The following URB2 variants were observed in gnomAD, a reference collection of about 807,000 sequenced individuals.
URB2 encodes the protein unhealthy ribosome biogenesis protein 2 homolog.
URB2 carries 86 observed loss-of-function variants against 120.9 expected under a neutral mutation model. That is an observed-to-expected ratio of 0.71 (90% CI 0.60 to 0.85). The LOEUF is 0.85. Ranked by LOEUF, URB2 falls within the 40% of genes least tolerant of loss-of-function variation. URB2 has a pLI of 0.00. For synonymous variants in URB2, 755 were observed against 758.4 expected, an observed-to-expected ratio of 1.00 and a Z score of 0.07; for missense variants, 1,765 against 1,836.5, an observed-to-expected ratio of 0.96 and a Z score of 0.71.
rs1355288894 is a variant in URB2, at chr1:229,636,656, AAT to A, written c.2044_2045del (p.Met682GlufsTer8). 1 of 1,614,252 alleles carries A rather than the reference AAT, an allele frequency of 6.2e-7. No individual in the cohort carries two copies. Among genetic ancestry groups the A allele is most frequent in the African/African-American group, 1.3e-5 (1 of 75,070 alleles). ...YCLEQLYLQK[M>X]KRTLMQTSFR... is the part of the protein sequence containing the mutation. ...GCTTAGAACAGCTGTACCTGCAGAA[AAT>A]GAAAAGGACTTTAATGCAAACTAGT... On this transcript the variant is annotated frameshift_variant, in exon 4 of 10. Transcript: ENST00000258243. LOFTEE classifies it high-confidence loss of function.
chr1:229,654,620 G>A (rs772686728), intron 9 of URB2, among the ~76,000 whole-genome samples: 38 of 152,140 alleles, frequency 2.5e-4, no homozygotes, highest in Non-Finnish European at 2.9e-4. Context: ...AGCCTCCCAA[G>A]TAGCTAGGAC....
Position 229,647,649 on chromosome 1 carries a change from T to C in URB2, c.4046T>C (p.Ile1349Thr). Residue 1349 changes from isoleucine to threonine, a missense_variant, in exon 7 of 10, where the codon ATC becomes ACC. By Grantham distance (89) the Ile-to-Thr change is moderately conservative. Transcript: ENST00000258243. ...NPHHVSLAFSILLTVPLDHLK... is the reference protein window; with the variant it reads ...NPHHVSLAFSTLLTVPLDHLK... Reference sequence around the variant, plus strand: ...CACCACGTCAGCCTGGCCTTCAGCATCCTTCTCACTGTCCCTTTGGACCAT... The same window carrying C: ...CACCACGTCAGCCTGGCCTTCAGCACCCTTCTCACTGTCCCTTTGGACCAT... 6.2e-7 allele frequency: 1 copy of C among 1,614,192 alleles called. No homozygotes were observed. Among genetic ancestry groups the C allele is most frequent in the African/African-American group, 1.3e-5 (1 of 75,048 alleles).
chr1:229,628,094 A>G (rs1173207103), intron 2 of URB2, among the ~76,000 whole-genome samples: 1 of 143,592 alleles, frequency 7.0e-6, no homozygotes, highest in African/African-American at 2.6e-5. Context: ...TAAAAAAATT[A>G]TATATATTAT....
intron 1 of URB2, 52 bp from the exon 2 acceptor site, chr1:229,627,569 C>T (rs1051726346): frequency 7.5e-5 from 118 of 1,562,944 alleles, no homozygotes; most frequent in Non-Finnish European, 9.7e-5. Flanking sequence ...CTGGTGCCTG[C>T]TCAGTCTGAC....
intron 9 of URB2, among the ~76,000 whole-genome samples, chr1:229,657,123 G>C (rs1348168919): frequency 1.3e-5 from 2 of 152,206 alleles, no homozygotes; most frequent in East Asian, 3.8e-4. Context: ...GGAACCATCT[G>C]TATGGTGATA....
At chr1:229,638,381 T>C (rs2102787996) in intron 4 of URB2, 134 bp downstream of exon 4, 1 of 1,037,236 alleles carries the variant, frequency 9.6e-7, no homozygotes, top group Non-Finnish European at 1.3e-6. Context: ...TGCGGTGGCT[T>C]ACACCTGTAA....
chr1:229,633,030 A>G (rs1319730181), intron 3 of URB2, among the ~76,000 whole-genome samples: 1 of 152,282 alleles, frequency 6.6e-6, no homozygotes, highest in Non-Finnish European at 1.5e-5. Context: ...CATGTGTGCC[A>G]GGCTCAAAGA....
In URB2 at chr1:229,637,954, C is replaced by T. The variant is rs961333831; in HGVS notation, c.3341C>T (p.Ser1114Leu). The T allele has an allele frequency of 2.2e-5, 35 of 1,613,426 alleles. 1 individual carries two copies. The highest frequency in any genetic ancestry group is 1.6e-4 in the South Asian group (15 of 90,958). The change falls in exon 4 of 10, where the codon TCG (serine) becomes TTG (leucine). Residue 1114 changes from serine to leucine, a missense_variant. Transcript: ENST00000258243. The part of the protein sequence containing the change: ...VPGARGWRLP[S>L]VLISSVSTLL... ...GGGGCCCGGGGCTGGCGCCTTCCCT[C>T]GGTCCTCATCTCATCCGTCAGCACG...
At chr1:229,642,770 TA>T (rs1232931355) in intron 4 of URB2, among the ~76,000 whole-genome samples, 2 of 152,040 alleles carry the variant, frequency 1.3e-5, no homozygotes. Context: ...AATAGAGAAA[TA>T]AAATACAGTT....
At chr1:229,643,404 TATATC>T in intron 4 of URB2, 124 bp from the exon 5 acceptor site, 1 of 1,033,876 alleles carries the variant, frequency 9.7e-7, no homozygotes, top group Non-Finnish European at 1.4e-6. Context: ...CACCAGTGCT[TATATC>T]ACCATGCCCC....
intron 4 of URB2, among the ~76,000 whole-genome samples, chr1:229,638,562 C>T (rs865979605): frequency 6.6e-6 from 1 of 151,814 alleles, no homozygotes; most frequent in African/African-American, 2.4e-5. Context: ...AGGAGAATGG[C>T]GTGAACCCAG....
chr1:229,651,484 G>T (rs186030337), intron 8 of URB2, among the ~76,000 whole-genome samples, 162 bp downstream of exon 8: 40 of 152,176 alleles, frequency 2.6e-4, no homozygotes, highest in Admixed American at 8.5e-4. Flanking sequence ...ATTTCAAATG[G>T]TCACATTTTA....
chr1:229,642,244 A>T (rs1418250934), intron 4 of URB2, among the ~76,000 whole-genome samples: 1 of 152,160 alleles, frequency 6.6e-6, no homozygotes. Context: ...GGGCAGGTGG[A>T]AATGGGAGCC....
intron 6 of URB2, 110 bp from the exon 7 acceptor site, chr1:229,647,400 T>C: frequency 7.3e-7 from 1 of 1,377,268 alleles, no homozygotes; most frequent in South Asian, 1.4e-5. Context: ...ACCACATCAA[T>C]TCATTTTGGA....
intron 1 of URB2, among the ~76,000 whole-genome samples, chr1:229,626,563 T>C (rs922491324): frequency 1.3e-5 from 2 of 152,268 alleles, no homozygotes; most frequent in African/African-American, 4.8e-5. Flanking sequence ...AACTCCCTCC[T>C]GGCTCCTAGC....
At chr1:229,630,407 G>A (rs1378226140) in intron 2 of URB2, among the ~76,000 whole-genome samples, 3 of 152,212 alleles carry the variant, frequency 2.0e-5, no homozygotes, top group Non-Finnish European at 4.4e-5. Context: ...CCCAAGAGCA[G>A]TAATCTTCTT....
intron 9 of URB2, among the ~76,000 whole-genome samples, 180 bp from the exon 10 acceptor site, chr1:229,658,920 G>A (rs1666461220): frequency 1.3e-5 from 2 of 152,126 alleles, no homozygotes; most frequent in African/African-American, 4.8e-5. Flanking sequence ...TTAAAAATAT[G>A]AGTATTTAAA....
rs945739471 is a variant in URB2 at position 229,638,224 on chromosome 1, A to T, written c.3611A>T (p.His1204Leu). 7 of 1,607,238 alleles carry T rather than the reference A, an allele frequency of 4.4e-6. No individual in the cohort carries two copies. In the Admixed American group the frequency reaches 5.1e-5, roughly 12 times the overall value. ...GACTCCGTGTTTACCTCCATGTTTCATTCTGTGAGAAGAGTTCTTGCAGGT... is the reference window on the plus strand; with the variant it reads ...GACTCCGTGTTTACCTCCATGTTTCTTTCTGTGAGAAGAGTTCTTGCAGGT... ...KKDSVFTSMF[H>L]SVRRVLADPE... The change falls in exon 4 of 10, where the codon CAT becomes CTT. Residue 1204 changes from histidine (H) to leucine (L), a missense_variant. Physicochemically the swap from His to Leu is moderately conservative, Grantham distance 99. Coordinates refer to ENST00000258243, the MANE Select transcript of URB2 (RefSeq NM_014777.4).
chr1:229,642,876 T>G (rs1666046165), intron 4 of URB2, among the ~76,000 whole-genome samples: 1 of 152,226 alleles, frequency 6.6e-6, no homozygotes, highest in Admixed American at 6.5e-5. Flanking sequence ...AAAAAAATCT[T>G]GTATTACTTT....
Sources: allele counts gnomAD v4.1 joint callset (sites outside exome capture counted in the v4.1 genomes callset), GRCh38; gene constraint gnomAD v4.1.1; transcripts MANE v1.5; gene names NCBI Gene and HGNC (gene_info 2026-07-23, HGNC 2026-07-21).